MAP2K1: variants seen among roughly 807,000 people sequenced by gnomAD.
MAP2K1 encodes mitogen-activated protein kinase kinase 1.
MAP2K1 carries 16 observed loss-of-function variants against 46.3 expected under a neutral mutation model. The observed-to-expected ratio is 0.35, with a 90% CI of 0.23 to 0.52. MAP2K1 has a LOEUF of 0.52. MAP2K1 is among the 20% of genes least tolerant of loss of function. MAP2K1 has a pLI of 0.94. For missense variants in MAP2K1, 263 were observed against 497.1 expected (o/e 0.53, Z 4.48); for synonymous variants, 183 against 185.6 (o/e 0.99, Z 0.11).
intron 3 of MAP2K1, among the ~76,000 whole-genome samples, chr15:66,441,316 G>T (rs1449905035): frequency 1.3e-5 from 2 of 152,194 alleles, no homozygotes; most frequent in African/African-American, 2.4e-5. Flanking sequence ...CCCAGGGGAA[G>T]TGTAAACCAA....
intron 1 of MAP2K1, among the ~76,000 whole-genome samples, chr15:66,431,189 G>C (rs577428156): frequency 1.1e-4 from 17 of 152,192 alleles, no homozygotes; most frequent in Non-Finnish European, 2.5e-4. Flanking sequence ...ATTGTGAAGG[G>C]AGACAGAGAC....
chr15:66,411,568 A>G (rs985175802), intron 1 of MAP2K1, among the ~76,000 whole-genome samples: 3 of 152,300 alleles, frequency 2.0e-5, no homozygotes, highest in African/African-American at 7.2e-5. Flanking sequence ...AAGAATGCCA[A>G]TAATATTGGT....
chr15:66,467,026 G>C (rs1291337646), intron 5 of MAP2K1, among the ~76,000 whole-genome samples: 1 of 152,166 alleles, frequency 6.6e-6, no homozygotes, highest in African/African-American at 2.4e-5. Context: ...CCTGAGGTGA[G>C]GAGTTTGAGA....
chr15:66,422,129 A>C (rs903162723), intron 1 of MAP2K1, among the ~76,000 whole-genome samples: 10 of 152,224 alleles, frequency 6.6e-5, no homozygotes, highest in African/African-American at 1.9e-4. Flanking sequence ...TATTTATTGC[A>C]TGAACAACAT....
At chr15:66,431,686 A>T (rs1037867414) in intron 1 of MAP2K1, among the ~76,000 whole-genome samples, 1 of 152,138 alleles carries the variant, frequency 6.6e-6, no homozygotes, top group Non-Finnish European at 1.5e-5. Context: ...AGAAATTCTT[A>T]TTTTTTTGTT....
chr15:66,433,830 A>G (rs990457882), intron 1 of MAP2K1, among the ~76,000 whole-genome samples: 6 of 152,212 alleles, frequency 3.9e-5, no homozygotes, highest in Admixed American at 1.3e-4. Context: ...TTGAAACCCA[A>G]TGAAATCCAG....
rs1009616533 is a variant in MAP2K1, at chr15:66,491,086, T to C, written c.*471T>C. Reference sequence around the variant, plus strand: ...GCATGTGAAGCATGCTTTGCTGCTATGAAAATGAGCATCAGAGAGTGTACA... The same window carrying C: ...GCATGTGAAGCATGCTTTGCTGCTACGAAAATGAGCATCAGAGAGTGTACA... On this transcript the variant is annotated 3_prime_UTR_variant, in exon 11 of 11. Coordinates refer to ENST00000307102, the MANE Select transcript of MAP2K1 (RefSeq NM_002755.4). 12 of 354,272 alleles carry C rather than the reference T, an allele frequency of 3.4e-5. No homozygotes were observed. Among genetic ancestry groups the C allele is most frequent in the Non-Finnish European group, 6.3e-5 (12 of 190,536 alleles). The allele number at this position is 354,272 out of a possible 1,614,324, so 21.9% of individuals were successfully genotyped here.
rs144659692 is a variant in MAP2K1, at chr15:66,462,314, A to G, written c.568+17607A>G. On this transcript the variant is annotated intron_variant, in intron 5 of 10. Coordinates refer to ENST00000307102, the MANE Select transcript of MAP2K1 (RefSeq NM_002755.4). The stretch of plus-strand genomic sequence containing the variant: ...TCAGGAGTTGAGAGTAGCCTGGCCA[A>G]CATGGTGAAACCCCATCTCTACTAA... 1.4e-3 allele frequency among the ~76,000 whole-genome samples: 210 copies of G among 152,204 alleles called. 1 individual carries two copies. The highest frequency in any genetic ancestry group is 4.6e-3 in the African/African-American group (193 of 41,526).
chr15:66,483,748 CTTTTTTTT>C (rs750947705), intron 6 of MAP2K1, among the ~76,000 whole-genome samples: 1 of 131,128 alleles, frequency 7.6e-6, no homozygotes, highest in Non-Finnish European at 1.6e-5. Flanking sequence ...CATACATTTT[CTTTTTTTT>C]TTTTTTTTTG....
intron 5 of MAP2K1, among the ~76,000 whole-genome samples, chr15:66,476,022 T>C (rs1892747447): frequency 6.6e-6 from 1 of 152,242 alleles, no homozygotes; most frequent in Non-Finnish European, 1.5e-5. Context: ...GTGTTATTCC[T>C]GGGACAGAAA....
At chr15:66,401,924 G>T in intron 1 of MAP2K1, 1 of 1,295,222 alleles carries the variant, frequency 7.7e-7, no homozygotes. Flanking sequence ...ATCGGTTCGG[G>T]TCGAAGGAAA....
chr15:66,443,896 A>G (rs564479767), intron 4 of MAP2K1, among the ~76,000 whole-genome samples: 1 of 152,250 alleles, frequency 6.6e-6, no homozygotes, highest in East Asian at 1.9e-4. Flanking sequence ...ATACCATGTA[A>G]AAAGATGGTT....
chr15:66,392,379 A>G (rs2093358637), intron 1 of MAP2K1, among the ~76,000 whole-genome samples: 1 of 143,824 alleles, frequency 7.0e-6, no homozygotes, highest in Non-Finnish European at 1.5e-5. Flanking sequence ...GGGTTTCACC[A>G]TGTTGCTCAG....
intron 5 of MAP2K1, among the ~76,000 whole-genome samples, chr15:66,464,297 A>G (rs1892406578): frequency 6.6e-6 from 1 of 152,152 alleles, no homozygotes; most frequent in Non-Finnish European, 1.5e-5. Context: ...GGAGAAAGGG[A>G]GAAAAACTAC....
chr15:66,477,788 A>G (rs1892790698), intron 5 of MAP2K1, among the ~76,000 whole-genome samples: 1 of 152,044 alleles, frequency 6.6e-6, no homozygotes, highest in Admixed American at 6.5e-5. Flanking sequence ...GGGTGGGAGG[A>G]GTGGAAGAGG....
chr15:66,444,310 G>C (rs912740976), intron 4 of MAP2K1, among the ~76,000 whole-genome samples: 8 of 150,734 alleles, frequency 5.3e-5, no homozygotes, highest in African/African-American at 2.0e-4. Context: ...AAGGTGGGTG[G>C]ATCACCTGAG....
At chr15:66,460,705 A>G (rs1056435699) in intron 5 of MAP2K1, among the ~76,000 whole-genome samples, 6 of 152,134 alleles carry the variant, frequency 3.9e-5, no homozygotes, top group South Asian at 4.1e-4. Context: ...TGTTACGGCT[A>G]AGGTGAGCTG....
chr15:66,482,325 C>G (rs1345608506), intron 6 of MAP2K1, among the ~76,000 whole-genome samples: 6 of 152,332 alleles, frequency 3.9e-5, no homozygotes, highest in African/African-American at 1.4e-4. Flanking sequence ...GGCTCTTAAC[C>G]TGCCTTCTCA....
At chr15:66,396,382 G>A (rs1434908098) in intron 1 of MAP2K1, among the ~76,000 whole-genome samples, 1 of 151,700 alleles carries the variant, frequency 6.6e-6, no homozygotes, top group African/African-American at 2.4e-5. Flanking sequence ...ACATTTTCCT[G>A]CCTCGGCCTC....
Sources: gnomAD v4.1 joint callset for allele counts (sites outside exome capture counted in the v4.1 genomes callset) on GRCh38, gnomAD v4.1.1 for gene constraint, MANE v1.5 for transcripts, NCBI Gene and HGNC (gene_info 2026-07-23, HGNC 2026-07-21) for gene names.